Variants in PLCL2 observed in about 807,000 individuals in gnomAD.
The protein encoded by PLCL2 is phospholipase C like 2, also known as inactive phospholipase C-like protein 2.
A neutral mutation model predicts 79.6 loss-of-function variants in PLCL2; 4 were observed. The observed-to-expected ratio is 0.05, with a 90% CI of 0.02 to 0.11. The LOEUF is 0.11. Ranked by LOEUF, PLCL2 falls within the 10% of genes least tolerant of loss-of-function variation. The pLI, the probability that PLCL2 is intolerant of heterozygous loss-of-function variation, is 1.00. For synonymous variants in PLCL2, 484 were observed against 457.7 expected, an observed-to-expected ratio of 1.06 and a Z score of -0.73; for missense variants, 895 against 1,291.0, an observed-to-expected ratio of 0.69 and a Z score of 4.70.
At chr3:16,920,802 G>A (rs375477995) in intron 1 of PLCL2, among the ~76,000 whole-genome samples, 1 of 152,140 alleles carries the variant, frequency 6.6e-6, no homozygotes, top group Admixed American at 6.6e-5. Flanking sequence ...CCACTACTAC[G>A]TGAGAATACA....
chr3:17,071,968 A>G (rs558244018), intron 5 of PLCL2, among the ~76,000 whole-genome samples: 71 of 152,158 alleles, frequency 4.7e-4, no homozygotes, highest in Admixed American at 1.2e-3. Context: ...CTGGGACTAT[A>G]TGCATGTGCC....
intron 5 of PLCL2, among the ~76,000 whole-genome samples, chr3:17,087,919 A>G (rs1192494730): frequency 6.6e-6 from 1 of 152,204 alleles, no homozygotes; most frequent in African/African-American, 2.4e-5. Flanking sequence ...GTGAAGGGAA[A>G]TACACTATTT....
At chr3:16,964,638 A>G (rs2063787289) in intron 1 of PLCL2, among the ~76,000 whole-genome samples, 1 of 152,094 alleles carries the variant, frequency 6.6e-6, no homozygotes, top group South Asian at 2.1e-4. Context: ...TCCCACCAAC[A>G]GTGTAAAAGT....
At chr3:16,933,626 C>CT (rs150685556) in intron 1 of PLCL2, among the ~76,000 whole-genome samples, 18 of 148,278 alleles carry the variant, frequency 1.2e-4, no homozygotes, top group South Asian at 2.1e-4. Context: ...ATTTTTATTT[C>CT]TTTTTTTTTT....
At chr3:17,042,774 T>G in intron 3 of PLCL2, 100 bp from the exon 4 acceptor site, 1 of 787,156 alleles carries the variant, frequency 1.3e-6, no homozygotes, top group Non-Finnish European at 2.2e-6. Context: ...GCGTTTAATA[T>G]CATCACATCA....
chr3:17,066,762 G>T (rs2065014709), intron 4 of PLCL2, among the ~76,000 whole-genome samples: 1 of 152,122 alleles, frequency 6.6e-6, no homozygotes, highest in Non-Finnish European at 1.5e-5. Context: ...AATTGTGTGA[G>T]AAAAAGAAAG....
intron 1 of PLCL2, among the ~76,000 whole-genome samples, chr3:16,992,129 A>G (rs571576403): frequency 6.6e-6 from 1 of 152,316 alleles, no homozygotes; most frequent in African/African-American, 2.4e-5. Flanking sequence ...TGTGTAATAT[A>G]TTAGTGTTTT....
intron 1 of PLCL2, 102 bp downstream of exon 1, chr3:16,885,468 G>C: frequency 2.0e-6 from 1 of 505,666 alleles, no homozygotes; most frequent in East Asian, 3.5e-5. Context: ...ACTGCTAACA[G>C]GAACCACTGG....
At chr3:17,081,516 G>A (rs186243340) in intron 5 of PLCL2, 16 of 251,122 alleles carry the variant, frequency 6.4e-5, no homozygotes, top group African/African-American at 1.6e-4. Context: ...TTGCCCCTAC[G>A]TCTGAATAAA....
Position 17,010,261 on chromosome 3 carries a change from G to A in PLCL2, c.915G>A (p.Thr305=), listed in dbSNP as rs138042196. 3.7e-6 allele frequency: 6 copies of A among 1,613,674 alleles called. No homozygotes were observed. Among genetic ancestry groups the A allele is most frequent in the Non-Finnish European group, 4.2e-6 (5 of 1,179,818 alleles). ...CIRNLNPGLK[T]SKIELKFKEL... is the part of the protein sequence containing the mutation. ...GAAACCTCAATCCTGGTTTAAAAAC[G>A]AGCAAAATTGAGCTTAAGTTCAAAG... is the stretch of plus-strand genomic sequence containing the variant. Residue 305 remains threonine (T), a synonymous_variant, in exon 2 of 6, where the codon ACG becomes ACA. Transcript: ENST00000615277. The surrounding 1 kb of genome is among the most constrained non-coding windows in gnomAD (Gnocchi z 5.8).
chr3:16,902,445 A>G (rs893251415), intron 1 of PLCL2, among the ~76,000 whole-genome samples: 3 of 152,228 alleles, frequency 2.0e-5, no homozygotes, highest in Non-Finnish European at 2.9e-5. Flanking sequence ...TGCTGCTATT[A>G]AAATTAAACA....
intron 1 of PLCL2, among the ~76,000 whole-genome samples, chr3:16,930,389 T>C (rs975837155): frequency 1.3e-5 from 2 of 152,180 alleles, no homozygotes; most frequent in Non-Finnish European, 2.9e-5. Flanking sequence ...AGAACCAGTA[T>C]TGGGAACAGC....
At chr3:16,963,610 T>G (rs376303059) in intron 1 of PLCL2, among the ~76,000 whole-genome samples, 36 of 152,264 alleles carry the variant, frequency 2.4e-4, no homozygotes, top group East Asian at 1.7e-3. Context: ...TCTTTGAAAG[T>G]AGAATAGAGA....
chr3:17,051,651 G>A (rs982990418), intron 4 of PLCL2, among the ~76,000 whole-genome samples: 13 of 152,082 alleles, frequency 8.5e-5, no homozygotes, highest in Admixed American at 8.5e-4. Context: ...ATGCAGTCAG[G>A]TTTATGGTCA....
At chr3:17,030,558 T>C (rs759446537) in intron 3 of PLCL2, among the ~76,000 whole-genome samples, 2 of 152,212 alleles carry the variant, frequency 1.3e-5, no homozygotes, top group Non-Finnish European at 1.5e-5. Context: ...ATCATCTTGC[T>C]AAGCAAGTTG....
At chr3:17,034,297 C>T (rs1483292569) in intron 3 of PLCL2, among the ~76,000 whole-genome samples, 3 of 152,064 alleles carry the variant, frequency 2.0e-5, no homozygotes, top group Non-Finnish European at 2.9e-5. Context: ...GGGTGGGTTC[C>T]CCCTTTTACC....
intron 1 of PLCL2, among the ~76,000 whole-genome samples, chr3:16,890,681 C>T (rs1403248098): frequency 6.6e-6 from 1 of 152,162 alleles, no homozygotes. Context: ...TGGTGGGATT[C>T]AAATACTTTT....
chr3:17,015,044 TA>T, intron 3 of PLCL2, 133 bp downstream of exon 3: 8 of 690,864 alleles, frequency 1.2e-5, no homozygotes, highest in Non-Finnish European at 1.7e-5. Context: ...GCTGGAGAAG[TA>T]ATTCCCCTGA....
intron 1 of PLCL2, among the ~76,000 whole-genome samples, chr3:16,936,281 TA>T (rs1223056330): frequency 1.3e-5 from 2 of 152,224 alleles, no homozygotes; most frequent in African/African-American, 4.8e-5. Flanking sequence ...CTAAATTGTT[TA>T]GGAGAAATTT....
Sources: gnomAD v4.1 joint callset for allele counts (sites outside exome capture counted in the v4.1 genomes callset) on GRCh38, gnomAD v4.1.1 for gene constraint, Gnocchi (gnomAD v3.1) non-coding constraint, MANE v1.5 for transcripts, NCBI Gene and HGNC (gene_info 2026-07-23, HGNC 2026-07-21) for gene names.